The following RAP1GDS1 variants were observed in gnomAD, a reference collection of about 807,000 sequenced individuals.
RAP1GDS1 encodes Rap1 GTPase-GDP dissociation stimulator 1.
A neutral mutation model predicts 71.1 loss-of-function variants in RAP1GDS1; 35 were observed. The ratio of observed to expected loss-of-function variants is 0.49; its 90% CI spans 0.38 to 0.65. The LOEUF (loss-of-function observed/expected upper bound fraction) is 0.65. Among genes scored for constraint, RAP1GDS1 ranks in the 30% least tolerant of loss-of-function variants. The pLI is 0.00. For missense variants in RAP1GDS1, 663 were observed against 706.1 expected (o/e 0.94, Z 0.69); for synonymous variants, 229 against 243.1 (o/e 0.94, Z 0.54).
rs114794343 is a variant in RAP1GDS1 at position 98,421,510 on chromosome 4, A to G, written c.1440+116A>G. On this transcript the variant is annotated intron_variant, in intron 12 of 14. Transcript: ENST00000408927. ...TTACCTGAAAGTATTGTGAAGATTCAGTGAGATCATGTATATAATGTGCTT... is the reference window on the plus strand; with the variant it reads ...TTACCTGAAAGTATTGTGAAGATTCGGTGAGATCATGTATATAATGTGCTT... 3.8e-3 allele frequency: 4,358 copies of G among 1,144,296 alleles called. 16 individuals carry two copies. The highest frequency in any genetic ancestry group is 4.5e-3 in the Non-Finnish European group (3,865 of 859,234). 70.9% of individuals were successfully genotyped at this position (1,144,296 alleles called of 1,614,324 possible).
intron 2 of RAP1GDS1, among the ~76,000 whole-genome samples, chr4:98,307,606 A>G (rs1466527153): frequency 6.6e-6 from 1 of 152,118 alleles, no homozygotes; most frequent in African/African-American, 2.4e-5. Context: ...TTTTAAAAAT[A>G]TTCCTTTGTA....
At chr4:98,360,489 T>G (rs1341846457) in intron 4 of RAP1GDS1, among the ~76,000 whole-genome samples, 1 of 152,146 alleles carries the variant, frequency 6.6e-6, no homozygotes, top group Non-Finnish European at 1.5e-5. Flanking sequence ...ATTTTTTGTC[T>G]AAATCTGTTT....
intron 6 of RAP1GDS1, 166 bp downstream of exon 6, chr4:98,392,246 A>T: frequency 1.6e-6 from 1 of 614,470 alleles, no homozygotes; most frequent in Non-Finnish European, 2.6e-6. Context: ...ATCCAATTAG[A>T]TCTTATGATT....
At chr4:98,293,560 A>T in intron 2 of RAP1GDS1, 45 bp downstream of exon 2, 1 of 1,400,438 alleles carries the variant, frequency 7.1e-7, no homozygotes, top group Admixed American at 1.9e-5. Flanking sequence ...AGAAAATCAA[A>T]TCAGTAGTCA....
intron 1 of RAP1GDS1, among the ~76,000 whole-genome samples, chr4:98,270,070 C>T (rs1257838114): frequency 6.6e-6 from 1 of 152,080 alleles, no homozygotes; most frequent in African/African-American, 2.4e-5. Flanking sequence ...CAAGATGAGG[C>T]CTAGTTGCTG....
intron 1 of RAP1GDS1, among the ~76,000 whole-genome samples, chr4:98,268,116 C>T (rs950380030): frequency 6.6e-6 from 1 of 152,026 alleles, no homozygotes; most frequent in East Asian, 1.9e-4. Flanking sequence ...GAGGATCATA[C>T]GTCATGATCA....
chr4:98,436,079 A>T (rs565938945), intron 13 of RAP1GDS1, among the ~76,000 whole-genome samples: 6,968 of 143,040 alleles, frequency 0.049, 206 homozygotes, highest in African/African-American at 0.09. Flanking sequence ...TCAAAAAAAA[A>T]ATATATATAT....
chr4:98,324,660 A>T (rs2110349818), intron 2 of RAP1GDS1, among the ~76,000 whole-genome samples: 1 of 145,192 alleles, frequency 6.9e-6, no homozygotes, highest in Non-Finnish European at 1.5e-5. Context: ...GAGAAAAACA[A>T]GCAATGGGGA....
At chr4:98,421,525 A>G in intron 12 of RAP1GDS1, 131 bp downstream of exon 12, 1 of 1,021,046 alleles carries the variant, frequency 9.8e-7, no homozygotes, top group Non-Finnish European at 1.3e-6. Context: ...GATCATGTAT[A>G]TAATGTGCTT....
intron 2 of RAP1GDS1, among the ~76,000 whole-genome samples, chr4:98,338,990 T>C (rs1040157083): frequency 2.0e-5 from 3 of 152,226 alleles, no homozygotes; most frequent in African/African-American, 7.2e-5. Flanking sequence ...CCTTAAATTA[T>C]GAGTTCCCTC....
chr4:98,292,130 CTT>C (rs139869872), intron 1 of RAP1GDS1, among the ~76,000 whole-genome samples: 4 of 139,688 alleles, frequency 2.9e-5, no homozygotes, highest in Admixed American at 7.2e-5. Context: ...TTTTTTTTTC[CTT>C]TTTTTTTTTT....
At chr4:98,417,642 A>G in intron 9 of RAP1GDS1, 144 bp downstream of exon 9, 1 of 731,194 alleles carries the variant, frequency 1.4e-6, no homozygotes, top group Non-Finnish European at 2.1e-6. Flanking sequence ...CAGAAATCTG[A>G]AATACTTAGT....
chr4:98,337,134 A>T (rs901042678), intron 2 of RAP1GDS1, among the ~76,000 whole-genome samples: 1 of 152,134 alleles, frequency 6.6e-6, no homozygotes, highest in Admixed American at 6.5e-5. Context: ...GCCTCAACTG[A>T]TCCGCCCACC....
intron 2 of RAP1GDS1, among the ~76,000 whole-genome samples, chr4:98,296,479 G>T (rs1173404962): frequency 6.6e-6 from 1 of 151,852 alleles, no homozygotes; most frequent in South Asian, 2.1e-4. Flanking sequence ...ATACTTACTA[G>T]ATTTTATGAA....
At chr4:98,393,776 A>G (rs1744093790) in intron 6 of RAP1GDS1, among the ~76,000 whole-genome samples, 1 of 152,222 alleles carries the variant, frequency 6.6e-6, no homozygotes, top group African/African-American at 2.4e-5. Flanking sequence ...TTCAAACACT[A>G]TATATGAAAA....
At chr4:98,282,604 T>A (rs1725305184) in intron 1 of RAP1GDS1, among the ~76,000 whole-genome samples, 1 of 151,838 alleles carries the variant, frequency 6.6e-6, no homozygotes, top group Non-Finnish European at 1.5e-5. Flanking sequence ...AAGGGTTTTT[T>A]ATGTCTCTAT....
In RAP1GDS1 at chr4:98,416,949, T is replaced by C. The variant is rs1032073473; in HGVS notation, c.907+61T>C. ...TGTCAGATGTTTTTAAAATTTATTG[T>C]CTCTTCTGTAAATACTACCCTAGAC... On this transcript the variant is annotated intron_variant, in intron 8 of 14. Transcript: ENST00000408927. 5 of 1,551,580 alleles carry C rather than the reference T, an allele frequency of 3.2e-6. No individual in the cohort carries two copies. The African/African-American group carries it at 6.8e-5, about 21-fold the overall frequency.
At chr4:98,345,010 T>A (rs1736016666) in intron 3 of RAP1GDS1, among the ~76,000 whole-genome samples, 1 of 152,120 alleles carries the variant, frequency 6.6e-6, no homozygotes, top group African/African-American at 2.4e-5. Context: ...TATTATTATT[T>A]TTTGTAAAGA....
At chr4:98,330,262 C>T (rs2110364206) in intron 2 of RAP1GDS1, among the ~76,000 whole-genome samples, 1 of 152,354 alleles carries the variant, frequency 6.6e-6, no homozygotes, top group East Asian at 1.9e-4. Flanking sequence ...TCTTTCTTTT[C>T]CCCACATTTC....
Sources: gnomAD v4.1 joint callset for allele counts (sites outside exome capture counted in the v4.1 genomes callset) on GRCh38, gnomAD v4.1.1 for gene constraint, MANE v1.5 for transcripts, NCBI Gene and HGNC (gene_info 2026-07-23, HGNC 2026-07-21) for gene names.